Variants in RIT1 observed in about 807,000 individuals in gnomAD.
RIT1 encodes the protein GTP-binding protein Rit1.
In RIT1, 6 loss-of-function variants were observed where a neutral mutation model predicts 25.6. That is an observed-to-expected ratio of 0.23 (90% CI 0.13 to 0.46). The LOEUF is 0.46. RIT1 is among the 20% of genes least tolerant of loss of function. RIT1 has a pLI of 0.99. For missense variants in RIT1, 219 were observed against 284.4 expected, an observed-to-expected ratio of 0.77 and a Z score of 1.65; for synonymous variants, 81 against 94.1, an observed-to-expected ratio of 0.86 and a Z score of 0.80.
Position 155,910,444 on chromosome 1 carries a change from G to A in RIT1, c.163+6C>T. 1 of 1,610,308 alleles carries A rather than the reference G, an allele frequency of 6.2e-7. No homozygotes were observed. Among genetic ancestry groups the A allele is most frequent in the Non-Finnish European group, 8.5e-7 (1 of 1,176,616 alleles). On this transcript the variant is annotated splice_donor_region_variant and intron_variant, in intron 3 of 5. Transcript: ENST00000368323. ...ATTTGGAAACATAAGTGATGATCTG[G>A]CTTACCAATGGTGGGATCATGATCT...
intron 5 of RIT1, among the ~76,000 whole-genome samples, chr1:155,900,974 C>G (rs1354221480): frequency 1.3e-5 from 2 of 152,142 alleles, no homozygotes; most frequent in East Asian, 3.9e-4. Flanking sequence ...CGCCACCACA[C>G]CTGGCTAATT....
Position 155,900,421 on chromosome 1 carries a change from T to C in RIT1, c.627A>G (p.Ser209=). The C allele has an allele frequency of 1.2e-6, 2 of 1,614,078 alleles. No individual in the cohort carries two copies. The highest frequency in any genetic ancestry group is 1.7e-6 in the Non-Finnish European group (2 of 1,179,956). Residue 209 remains serine (S), a synonymous_variant, in exon 6 of 6, where the codon TCA becomes TCG. Transcript: ENST00000368323. ...PKNSVWKRLK[S]PFRKKKDSVT is the part of the protein sequence containing the mutation. ...CTGAATCTTTCTTCTTCCGGAATGG[T>C]GATTTTAGCCTCTTCCATACACTGT...
At chr1:155,904,689 G>A (rs754833053) in intron 4 of RIT1, 42 bp downstream of exon 4, 21 of 1,453,874 alleles carry the variant, frequency 1.4e-5, no homozygotes, top group Non-Finnish European at 1.8e-5. Context: ...CCCTTTGCTA[G>A]AGTAAAAAAG....
In RIT1 at chr1:155,904,306, C is replaced by T; in HGVS notation, c.429+5G>A. 3 of 1,594,792 alleles carry T rather than the reference C, an allele frequency of 1.9e-6. No individual in the cohort carries two copies. Among genetic ancestry groups the T allele is most frequent in the Non-Finnish European group, 2.6e-6 (3 of 1,162,652 alleles). On this transcript the variant is annotated splice_donor_5th_base_variant and intron_variant, in intron 5 of 5. Transcript: ENST00000368323. ...TATAGACAGTATTTTCTTCTCTATC[C>T]TCACCTGTCTTAGCTGTTTGAGGTC...
rs1456214044 is a variant in RIT1 at position 155,898,145 on chromosome 1, T to A, written c.*2243A>T. ...TAGAGCTTATAAATTAGCTACACTT[T>A]ATGACACTAAGAATAGAGCTATGAC... On this transcript the variant is annotated 3_prime_UTR_variant, in exon 6 of 6. Coordinates refer to ENST00000368323, the MANE Select transcript of RIT1 (RefSeq NM_006912.6). The A allele has an allele frequency of 3.9e-5, 6 of 152,284 alleles. No individual in the cohort carries two copies. Among genetic ancestry groups the A allele is most frequent in the Non-Finnish European group, 8.8e-5 (6 of 68,026 alleles). The allele number at this position is 152,284 out of a possible 1,614,324, so 9.4% of individuals were successfully genotyped here.
intron 2 of RIT1, 55 bp downstream of exon 2, chr1:155,910,601 G>A (rs2102591076): frequency 6.2e-7 from 1 of 1,606,448 alleles, no homozygotes; most frequent in Non-Finnish European, 8.5e-7. Flanking sequence ...TATCCCATCT[G>A]GTCATTTAAG....
chr1:155,911,070 CGGCACAGTA>C (rs940403319), intron 1 of RIT1, among the ~76,000 whole-genome samples, 164 bp downstream of exon 1: 7 of 152,330 alleles, frequency 4.6e-5, no homozygotes, highest in African/African-American at 1.4e-4. Flanking sequence ...ATTTACGTCT[CGGCACAGTA>C]GGGACAAGGA....
At chr1:155,911,123 A>C in intron 1 of RIT1, 120 bp downstream of exon 1, 1 of 575,554 alleles carries the variant, frequency 1.7e-6, no homozygotes, top group Non-Finnish European at 3.0e-6. Flanking sequence ...GCGGCCCCTT[A>C]GGCCGCAGGG....
chr1:155,904,159 C>T (rs1161155307), intron 5 of RIT1, 152 bp downstream of exon 5: 2 of 589,482 alleles, frequency 3.4e-6, no homozygotes, highest in Non-Finnish European at 6.0e-6. Context: ...CCACCTTGGC[C>T]CCGCAAAGTA....
chr1:155,904,617 C>T, intron 4 of RIT1, 114 bp downstream of exon 4: 3 of 1,210,086 alleles, frequency 2.5e-6, no homozygotes, highest in Non-Finnish European at 3.6e-6. Context: ...TATCCTGAGT[C>T]AGAGTGCATG....
At chr1:155,909,344 C>G (rs1287925380) in intron 3 of RIT1, among the ~76,000 whole-genome samples, 1 of 151,502 alleles carries the variant, frequency 6.6e-6, no homozygotes, top group African/African-American at 2.4e-5. Flanking sequence ...TGCCACCGCA[C>G]TCCAGCCCGG....
chr1:155,907,730 A>AT (rs781728349), intron 3 of RIT1, among the ~76,000 whole-genome samples: 1 of 152,272 alleles, frequency 6.6e-6, no homozygotes, highest in Admixed American at 6.5e-5. Context: ...CTCAGAAGAC[A>AT]TAAGTATTTG....
At position 155,900,398 on chromosome 1, in the gene RIT1, GA is replaced by G. The variant is rs1673287696; in HGVS notation, c.649del (p.Ser217GlnfsTer2). ...CTTCACATCTTCTCTTCAAGTTACT[GA>G]ATCTTTCTTCTTCCGGAATGGTGAT... ...LKSPFRKKKD[S>X]VT is the part of the protein sequence containing the mutation. On this transcript the variant is annotated frameshift_variant, in exon 6 of 6. Coordinates refer to ENST00000368323, the MANE Select transcript of RIT1 (RefSeq NM_006912.6). LOFTEE classifies it high-confidence loss of function. 6.2e-7 allele frequency: 1 copy of G among 1,613,040 alleles called. No individual in the cohort carries two copies. Among genetic ancestry groups the G allele is most frequent in the Admixed American group, 1.7e-5 (1 of 59,978 alleles).
rs1673240522 is a variant in RIT1, at chr1:155,898,532, T to TAC, written c.*1855_*1856insGT. The TAC allele has an allele frequency of 1.6e-5, 2 of 123,656 alleles. No individual in the cohort carries two copies. Among genetic ancestry groups the TAC allele is most frequent in the South Asian group, 5.5e-4 (2 of 3,604 alleles). 7.7% of individuals were successfully genotyped at this position (123,656 alleles called of 1,614,324 possible). A position where few individuals can be genotyped will look rare whatever the true frequency, so the allele number is the denominator to read the frequency against. On this transcript the variant is annotated 3_prime_UTR_variant, in exon 6 of 6. Transcript: ENST00000368323. ...AAAAAAAAAAAAATATATATATATA[T>TAC]ATATATATATATCTCTTAATGTTAA...
rs140701211 is a variant in RIT1, at chr1:155,901,148, G to A, written c.430-530C>T. Among the ~76,000 whole-genome samples, 6 of 152,154 alleles carry A rather than the reference G, an allele frequency of 3.9e-5. No homozygotes were observed. In the East Asian group the frequency reaches 1.2e-3, roughly 29 times the overall value. Reference sequence around the variant, plus strand: ...ATTTTTAAGATACTTTTTGGAACAGGGAATAGTTTTAGATATCAAATACAC... The same window carrying A: ...ATTTTTAAGATACTTTTTGGAACAGAGAATAGTTTTAGATATCAAATACAC... On this transcript the variant is annotated intron_variant, in intron 5 of 5. Coordinates refer to ENST00000368323, the MANE Select transcript of RIT1 (RefSeq NM_006912.6).
chr1:155,900,405 T>C lies in RIT1; in HGVS notation c.643A>G (p.Lys215Glu), dbSNP rs201549452. ...TCTTCTCTTCAAGTTACTGAATCTTTCTTCTTCCGGAATGGTGATTTTAGC... is the reference window on the plus strand; with the variant it reads ...TCTTCTCTTCAAGTTACTGAATCTTCCTTCTTCCGGAATGGTGATTTTAGC... ...KRLKSPFRKK[K>E]DSVT Residue 215 changes from lysine to glutamate, a missense_variant, in exon 6 of 6, where the codon AAA (lysine) becomes GAA (glutamate). This residue lies in a region of RIT1 where 81 missense variants were observed against 83.8 expected (regional missense o/e 0.97). Coordinates refer to ENST00000368323, the MANE Select transcript of RIT1 (RefSeq NM_006912.6). 1.2e-6 allele frequency: 2 copies of C among 1,613,762 alleles called. No homozygotes were observed. Among genetic ancestry groups the C allele is most frequent in the Non-Finnish European group, 1.7e-6 (2 of 1,179,702 alleles).
intron 3 of RIT1, among the ~76,000 whole-genome samples, chr1:155,907,338 C>G (rs1283558775): frequency 6.6e-6 from 1 of 150,458 alleles, no homozygotes; most frequent in Non-Finnish European, 1.5e-5. Flanking sequence ...CTTCTGGGTT[C>G]AAGGAATTCT....
chr1:155,907,842 G>C (rs1332994386), intron 3 of RIT1, among the ~76,000 whole-genome samples: 1 of 152,216 alleles, frequency 6.6e-6, no homozygotes, highest in African/African-American at 2.4e-5. Flanking sequence ...TGTAATCCCA[G>C]CACTTTGGGA....
rs1371471364 is a variant in RIT1 at position 155,899,881 on chromosome 1, G to T, written c.*507C>A. 1.4e-5 allele frequency: 3 copies of T among 218,494 alleles called. No homozygotes were observed. 13.5% of individuals were successfully genotyped at this position (218,494 alleles called of 1,614,324 possible). A position where few individuals can be genotyped will look rare whatever the true frequency, so the allele number is the denominator to read the frequency against. ...CACCACTCCATAGTCTGCAACAGGTGTCAGCCTCACAGGTATCTGCTGAAA... is the reference window on the plus strand; with the variant it reads ...CACCACTCCATAGTCTGCAACAGGTTTCAGCCTCACAGGTATCTGCTGAAA... On this transcript the variant is annotated 3_prime_UTR_variant, in exon 6 of 6. Transcript: ENST00000368323.
Sources: gnomAD v4.1 joint callset for allele counts (sites outside exome capture counted in the v4.1 genomes callset) on GRCh38, gnomAD v4.1.1 for gene constraint, gnomAD v4.1.1 regional missense constraint, MANE v1.5 for transcripts, NCBI Gene and HGNC (gene_info 2026-07-23, HGNC 2026-07-21) for gene names.